Variants in GPATCH2 observed in about 807,000 individuals in gnomAD.
GPATCH2 encodes the protein G patch domain-containing protein 2.
Under a neutral mutation model 58.0 loss-of-function variants are expected in GPATCH2, and 51 were observed. That is an observed-to-expected ratio of 0.88 (90% CI 0.70 to 1.11). The LOEUF is 1.11. Ranked by LOEUF, GPATCH2 falls within the 50% of genes most tolerant of loss-of-function variation. The pLI is 0.00. For synonymous variants in GPATCH2, 222 were observed against 218.5 expected (o/e 1.02, Z -0.14); for missense variants, 625 against 652.2 (o/e 0.96, Z 0.45).
intron 5 of GPATCH2, chr1:217,608,915 A>T (rs1668490459): frequency 3.1e-6 from 3 of 983,310 alleles, no homozygotes; most frequent in Non-Finnish European, 3.6e-6. Context: ...CTAAAAGAAG[A>T]TGTCACACAT....
At chr1:217,597,302 A>G (rs1326519613) in intron 5 of GPATCH2, among the ~76,000 whole-genome samples, 1 of 151,918 alleles carries the variant, frequency 6.6e-6, no homozygotes, top group African/African-American at 2.4e-5. Context: ...TACGGGAACT[A>G]CTGCACTATA....
intron 5 of GPATCH2, among the ~76,000 whole-genome samples, chr1:217,587,113 G>A (rs1158837622): frequency 6.6e-6 from 1 of 152,124 alleles, no homozygotes; most frequent in East Asian, 1.9e-4. Context: ...ATTTATCTCA[G>A]ATAGCTAGTT....
intron 5 of GPATCH2, among the ~76,000 whole-genome samples, chr1:217,523,676 A>G (rs1393123718): frequency 6.6e-6 from 1 of 151,348 alleles, no homozygotes; most frequent in Non-Finnish European, 1.5e-5. Flanking sequence ...CCCATTCTCA[A>G]TGAGCTGTTG....
At chr1:217,487,500 A>C (rs1661510073) in intron 8 of GPATCH2, among the ~76,000 whole-genome samples, 1 of 147,086 alleles carries the variant, frequency 6.8e-6, no homozygotes, top group Admixed American at 7.0e-5. Flanking sequence ...ATCTTGGCTC[A>C]CTGCAACCTC....
intron 5 of GPATCH2, among the ~76,000 whole-genome samples, chr1:217,576,985 T>G (rs1377364493): frequency 6.6e-5 from 10 of 152,180 alleles, no homozygotes. Flanking sequence ...AAAATAGGAA[T>G]GTGCAAAGCA....
intron 5 of GPATCH2, among the ~76,000 whole-genome samples, chr1:217,546,810 C>G (rs1176285081): frequency 1.3e-5 from 2 of 152,138 alleles, no homozygotes; most frequent in African/African-American, 2.4e-5. Context: ...AGACAACCTA[C>G]AGAATGTGAC....
At chr1:217,545,216 T>C (rs957785122) in intron 5 of GPATCH2, among the ~76,000 whole-genome samples, 1 of 152,198 alleles carries the variant, frequency 6.6e-6, no homozygotes, top group African/African-American at 2.4e-5. Flanking sequence ...CTGGCTGAGG[T>C]AGCCCAGAAA....
chr1:217,480,966 C>T (rs1199711457), intron 8 of GPATCH2, among the ~76,000 whole-genome samples: 1 of 151,900 alleles, frequency 6.6e-6, no homozygotes, highest in African/African-American at 2.4e-5. Flanking sequence ...AACAATTGAA[C>T]TCATGGAGAT....
At chr1:217,606,212 T>TGAA (rs1300498630) in intron 5 of GPATCH2, among the ~76,000 whole-genome samples, 5 of 150,842 alleles carry the variant, frequency 3.3e-5, no homozygotes, top group Admixed American at 6.6e-5. Flanking sequence ...AGCTATTCAT[T>TGAA]TAGCTTAAAT....
chr1:217,482,758 T>C (rs1222942471), intron 8 of GPATCH2, among the ~76,000 whole-genome samples: 1 of 152,222 alleles, frequency 6.6e-6, no homozygotes, highest in Non-Finnish European at 1.5e-5. Flanking sequence ...GTGCCTGACA[T>C]ACATAAACTT....
chr1:217,511,051 C>T (rs916205640), intron 6 of GPATCH2, among the ~76,000 whole-genome samples: 5 of 152,128 alleles, frequency 3.3e-5, no homozygotes, highest in African/African-American at 1.2e-4. Flanking sequence ...GAGCTGAGAT[C>T]ACGCCACTGC....
intron 9 of GPATCH2, among the ~76,000 whole-genome samples, chr1:217,445,411 C>A (rs557943462): frequency 6.6e-6 from 1 of 152,128 alleles, no homozygotes; most frequent in Admixed American, 6.5e-5. Flanking sequence ...TGGACCACAA[C>A]CAACATTGCT....
chr1:217,619,160 A>T (rs1392380120), intron 2 of GPATCH2, among the ~76,000 whole-genome samples: 1 of 152,178 alleles, frequency 6.6e-6, no homozygotes, highest in Non-Finnish European at 1.5e-5. Flanking sequence ...AAGAAAAATG[A>T]TCACTTACCT....
chr1:217,578,387 A>T lies in GPATCH2; in HGVS notation c.1098+31934T>A, dbSNP rs530460016. On this transcript the variant is annotated intron_variant, in intron 5 of 9. Coordinates refer to ENST00000366935, the MANE Select transcript of GPATCH2 (RefSeq NM_018040.5). ...ACCTCAGCCTCCCTAAGTAGCTGGG[A>T]ATACAGGCACATGCCACCAGGCCCG... 4.6e-5 allele frequency among the ~76,000 whole-genome samples: 7 copies of T among 152,228 alleles called. No individual in the cohort carries two copies. The South Asian group carries it at 1.5e-3, about 32-fold the overall frequency.
chr1:217,523,308 G>A lies in GPATCH2; in HGVS notation c.1099-8419C>T, dbSNP rs1663571474. 2.0e-5 allele frequency among the ~76,000 whole-genome samples: 3 copies of A among 151,690 alleles called. No individual in the cohort carries two copies. The South Asian group carries it at 6.2e-4, about 31-fold the overall frequency. On this transcript the variant is annotated intron_variant, in intron 5 of 9. Transcript: ENST00000366935. ...CAAAGGTCTCTGGTTTTCCTAGGCA[G>A]AGGACCCTGCAGCCTTCCGCAGTGT...
At chr1:217,614,861 T>G (rs1226903186) in intron 2 of GPATCH2, among the ~76,000 whole-genome samples, 1 of 151,336 alleles carries the variant, frequency 6.6e-6, no homozygotes, top group East Asian at 1.9e-4. Context: ...AAATCTAACA[T>G]ACAAATAAAA....
chr1:217,621,935 G>A (rs1669209475), intron 1 of GPATCH2, among the ~76,000 whole-genome samples: 1 of 152,144 alleles, frequency 6.6e-6, no homozygotes, highest in South Asian at 2.1e-4. Flanking sequence ...ACAACCCTAT[G>A]AGGTGGGAGA....
intron 5 of GPATCH2, among the ~76,000 whole-genome samples, chr1:217,592,606 A>T (rs1667642269): frequency 1.3e-5 from 2 of 151,980 alleles, no homozygotes; most frequent in Admixed American, 1.3e-4. Flanking sequence ...TCGAATTTTT[A>T]AAACTGAGCA....
rs149700392 is a variant in GPATCH2 at position 217,620,268 on chromosome 1, T to C, written c.288A>G (p.Leu96=). The change falls in exon 2 of 10, where the codon TTA becomes TTG. Residue 96 remains leucine (L), a synonymous_variant. Coordinates refer to ENST00000366935, the MANE Select transcript of GPATCH2 (RefSeq NM_018040.5). ...HCLSEGSDSS[L]EEPSKDYREN... is the part of the protein sequence containing the mutation. Reference sequence around the variant, plus strand: ...CTCTATAGTCCTTGCTTGGTTCTTCTAAACTAGAATCAGAGCCTTCACTTA... The same window carrying C: ...CTCTATAGTCCTTGCTTGGTTCTTCCAAACTAGAATCAGAGCCTTCACTTA... 5,893 of 1,613,988 alleles carry C rather than the reference T, an allele frequency of 3.7e-3. 23 individuals carry two copies. The highest frequency in any genetic ancestry group is 8.4e-3 in the Middle Eastern group (51 of 6,062).
Sources: gnomAD v4.1 joint callset for allele counts (sites outside exome capture counted in the v4.1 genomes callset) on GRCh38, gnomAD v4.1.1 for gene constraint, MANE v1.5 for transcripts, NCBI Gene and HGNC (gene_info 2026-07-23, HGNC 2026-07-21) for gene names.